The following AGBL4 variants were observed in gnomAD, a reference collection of about 807,000 sequenced individuals.
The protein encoded by AGBL4 is cytosolic carboxypeptidase 6.
AGBL4 carries 58 observed loss-of-function variants against 66.4 expected under a neutral mutation model. That is an observed-to-expected ratio of 0.87 (90% confidence interval 0.71 to 1.09). The LOEUF is 1.09. Ranked by LOEUF, AGBL4 falls within the 50% of genes least tolerant of loss-of-function variation. AGBL4 has a pLI of 0.00. For synonymous variants in AGBL4, 234 were observed against 222.9 expected, an observed-to-expected ratio of 1.05 and a Z score of -0.44; for missense variants, 579 against 631.0, an observed-to-expected ratio of 0.92 and a Z score of 0.88.
chr1:48,666,447 T>C (rs1646189079), intron 6 of AGBL4, among the ~76,000 whole-genome samples: 1 of 152,122 alleles, frequency 6.6e-6, no homozygotes, highest in Admixed American at 6.5e-5. Flanking sequence ...CAAAAAACAC[T>C]GGGCAGCTAC....
chr1:49,232,424 C>T (rs945646516), intron 4 of AGBL4, among the ~76,000 whole-genome samples: 8 of 152,064 alleles, frequency 5.3e-5, no homozygotes, highest in Admixed American at 3.3e-4. Flanking sequence ...GTTGGCTGGG[C>T]GCGGTGGCTC....
intron 5 of AGBL4, among the ~76,000 whole-genome samples, chr1:48,870,859 A>T (rs1648586407): frequency 6.6e-6 from 1 of 152,214 alleles, no homozygotes; most frequent in Non-Finnish European, 1.5e-5. Flanking sequence ...TTAAAACAGG[A>T]TTACAAAACC....
At chr1:49,815,504 A>G (rs976933030) in intron 2 of AGBL4, among the ~76,000 whole-genome samples, 1 of 152,172 alleles carries the variant, frequency 6.6e-6, no homozygotes, top group Non-Finnish European at 1.5e-5. Flanking sequence ...TTTTTGATAT[A>G]CTGATTTCCT....
At chr1:49,272,830 C>G (rs1243176384) in intron 3 of AGBL4, among the ~76,000 whole-genome samples, 1 of 151,998 alleles carries the variant, frequency 6.6e-6, no homozygotes, top group Non-Finnish European at 1.5e-5. Flanking sequence ...CATTAATAAA[C>G]CAGCCTAATA....
chr1:49,959,791 T>G (rs1024015922), intron 1 of AGBL4, among the ~76,000 whole-genome samples: 2 of 152,028 alleles, frequency 1.3e-5, no homozygotes, highest in Non-Finnish European at 2.9e-5. Context: ...TAAATGCTCA[T>G]CAACAGTAAA....
chr1:49,543,763 T>C (rs1652252933), intron 3 of AGBL4, among the ~76,000 whole-genome samples: 1 of 152,216 alleles, frequency 6.6e-6, no homozygotes, highest in South Asian at 2.1e-4. Context: ...TCCTGATTAC[T>C]GATTTGCTGG....
At chr1:49,219,897 T>C (rs1325215995) in intron 4 of AGBL4, among the ~76,000 whole-genome samples, 11 of 152,164 alleles carry the variant, frequency 7.2e-5, no homozygotes, top group Non-Finnish European at 1.2e-4. Flanking sequence ...CAACCATTTA[T>C]TTTTGTTTAG....
intron 5 of AGBL4, among the ~76,000 whole-genome samples, chr1:49,038,000 A>C (rs1664800897): frequency 6.6e-6 from 1 of 152,126 alleles, no homozygotes; most frequent in African/African-American, 2.4e-5. Flanking sequence ...AAATGGGAGA[A>C]GACAATACTT....
chr1:49,995,957 G>A (rs1182433795), intron 1 of AGBL4: 2 of 152,288 alleles, frequency 1.3e-5, no homozygotes, highest in African/African-American at 4.8e-5. Flanking sequence ...ACTGAGAAGA[G>A]CAGTAACAAT....
intron 3 of AGBL4, among the ~76,000 whole-genome samples, chr1:49,546,410 C>T (rs140543739): frequency 1.1e-4 from 16 of 151,364 alleles, no homozygotes; most frequent in East Asian, 3.9e-4. Flanking sequence ...ATTCAATTGT[C>T]GATTGGTGGG....
intron 6 of AGBL4, among the ~76,000 whole-genome samples, chr1:48,841,631 GA>G (rs1375527443): frequency 6.6e-6 from 1 of 151,678 alleles, no homozygotes; most frequent in Non-Finnish European, 1.5e-5. Flanking sequence ...TAAATCTACA[GA>G]ACACTATGGT....
intron 3 of AGBL4, among the ~76,000 whole-genome samples, chr1:49,664,197 C>A (rs1354301846): frequency 2.6e-5 from 4 of 151,944 alleles, no homozygotes; most frequent in Non-Finnish European, 2.9e-5. Flanking sequence ...AACACATTAT[C>A]TACAAATGAA....
In AGBL4 at chr1:48,671,847, G is replaced by C. The variant is rs1286671837; in HGVS notation, c.635-8606C>G. Among the ~76,000 whole-genome samples, 6 of 152,286 alleles carry C rather than the reference G, an allele frequency of 3.9e-5. No homozygotes were observed. In the East Asian group the frequency reaches 1.2e-3, roughly 29 times the overall value. On this transcript the variant is annotated intron_variant, in intron 6 of 13. Coordinates refer to ENST00000371839, the MANE Select transcript of AGBL4 (RefSeq NM_032785.4). ...TGTGAAGTAGTATTTGTTGCCCTTTGGTTGAATGAGTGTACCCAGCTAGAA... is the reference window on the plus strand; with the variant it reads ...TGTGAAGTAGTATTTGTTGCCCTTTCGTTGAATGAGTGTACCCAGCTAGAA...
intron 4 of AGBL4, among the ~76,000 whole-genome samples, chr1:49,158,047 G>T (rs954793154): frequency 5.9e-5 from 9 of 152,160 alleles, no homozygotes; most frequent in Non-Finnish European, 1.0e-4. Flanking sequence ...TCACTCTAAT[G>T]ATAGTTTCTT....
intron 2 of AGBL4, among the ~76,000 whole-genome samples, chr1:49,833,161 A>C (rs978008764): frequency 6.6e-6 from 1 of 152,130 alleles, no homozygotes; most frequent in Non-Finnish European, 1.5e-5. Flanking sequence ...ATCTTGAATT[A>C]ATTTTTGTAT....
chr1:49,201,723 T>C (rs1222454414), intron 4 of AGBL4, among the ~76,000 whole-genome samples: 1 of 152,228 alleles, frequency 6.6e-6, no homozygotes, highest in African/African-American at 2.4e-5. Flanking sequence ...AAATTTCTTG[T>C]ATAAAGTTGA....
intron 4 of AGBL4, among the ~76,000 whole-genome samples, chr1:49,084,462 A>G (rs1644868089): frequency 2.0e-5 from 3 of 152,144 alleles, no homozygotes; most frequent in African/African-American, 4.8e-5. Flanking sequence ...TACATCTTAC[A>G]TTACAGCAGG....
intron 3 of AGBL4, among the ~76,000 whole-genome samples, chr1:49,306,982 C>T (rs1644859420): frequency 3.3e-5 from 5 of 152,162 alleles, no homozygotes; most frequent in Admixed American, 2.6e-4. Flanking sequence ...CTCAGCTCTG[C>T]TGTTCTGTAC....
At chr1:49,908,408 G>T (rs1035975227) in intron 1 of AGBL4, among the ~76,000 whole-genome samples, 1 of 152,074 alleles carries the variant, frequency 6.6e-6, no homozygotes, top group Non-Finnish European at 1.5e-5. Flanking sequence ...GCAAGATCTG[G>T]CTGTTTAAAA....
Sources: gnomAD v4.1 joint callset for allele counts (sites outside exome capture counted in the v4.1 genomes callset) on GRCh38, gnomAD v4.1.1 for gene constraint, MANE v1.5 for transcripts, NCBI Gene and HGNC (gene_info 2026-07-23, HGNC 2026-07-21) for gene names.